LRRC7: variants seen among roughly 807,000 people sequenced by gnomAD.
LRRC7 encodes the protein leucine rich repeat containing 7.
A neutral mutation model predicts 175.7 loss-of-function variants in LRRC7; 23 were observed. The ratio of observed to expected loss-of-function variants is 0.13; its 90% CI spans 0.09 to 0.19. The LOEUF (loss-of-function observed/expected upper bound fraction) is 0.19, where lower values mean the gene tolerates loss of function less well. Ranked by LOEUF, LRRC7 falls within the 10% of genes least tolerant of loss-of-function variation. The pLI, the probability that LRRC7 is intolerant of heterozygous loss-of-function variation, is 1.00. For missense variants in LRRC7, 1,354 were observed against 1,904.7 expected, an observed-to-expected ratio of 0.71 and a Z score of 5.38; for synonymous variants, 685 against 680.9, an observed-to-expected ratio of 1.01 and a Z score of -0.09.
rs1666594758 is a variant in LRRC7, at chr1:70,129,797, A to G, written c.*7910A>G. Among the ~76,000 whole-genome samples, 1 of 152,236 alleles carries G rather than the reference A, an allele frequency of 6.6e-6. No homozygotes were observed. Among genetic ancestry groups the G allele is most frequent in the African/African-American group, 2.4e-5 (1 of 41,466 alleles). ...TGAGATTGGATCACACATACCATGT[A>G]TCATCAACATCTATTCTTCTAAGGA... On this transcript the variant is annotated 3_prime_UTR_variant, in exon 27 of 27. Transcript: ENST00000651989.
chr1:70,076,630 A>G (rs1162917673), intron 24 of LRRC7, among the ~76,000 whole-genome samples: 1 of 152,192 alleles, frequency 6.6e-6, no homozygotes, highest in African/African-American at 2.4e-5. Context: ...AAGGACTTCA[A>G]TGGATTAGGT....
chr1:70,089,596 T>C, intron 24 of LRRC7, 131 bp from the exon 25 acceptor site: 1 of 568,176 alleles, frequency 1.8e-6, no homozygotes, highest in Non-Finnish European at 3.0e-6. Context: ...TTGTCTTTTG[T>C]GTATCAACTC....
chr1:69,754,950 G>A (rs1018298164), intron 2 of LRRC7, among the ~76,000 whole-genome samples: 1 of 151,952 alleles, frequency 6.6e-6, no homozygotes, highest in African/African-American at 2.4e-5. Flanking sequence ...ACAATTAGAA[G>A]GGTAACAGTC....
chr1:69,608,811 T>G (rs1433147261), intron 1 of LRRC7, among the ~76,000 whole-genome samples: 3 of 71,134 alleles, frequency 4.2e-5, no homozygotes, highest in African/African-American at 1.7e-4. Flanking sequence ...TTGCTCTGTC[T>G]GTCTCTCTCT....
Position 69,944,666 on chromosome 1 carries a change from A to G in LRRC7, c.711+13096A>G, listed in dbSNP as rs1649115502. On this transcript the variant is annotated intron_variant, in intron 8 of 26. Coordinates refer to ENST00000651989, the MANE Select transcript of LRRC7 (RefSeq NM_001370785.2). ...CAATTTCCCCCACATCCTTGCCAAC[A>G]CTTATTATTTTGGTTTTTTTTTCTT... is the stretch of plus-strand genomic sequence containing the variant. Among the ~76,000 whole-genome samples, 3 of 151,480 alleles carry G rather than the reference A, an allele frequency of 2.0e-5. No homozygotes were observed. The South Asian group carries it at 6.2e-4, about 32-fold the overall frequency.
chr1:69,928,191 G>C (rs566628486), intron 7 of LRRC7, among the ~76,000 whole-genome samples: 1 of 152,094 alleles, frequency 6.6e-6, no homozygotes, highest in Non-Finnish European at 1.5e-5. Context: ...GTACCCGGCC[G>C]TGTGAGGTGT....
At chr1:69,613,800 A>G (rs1649183625) in intron 1 of LRRC7, among the ~76,000 whole-genome samples, 1 of 152,080 alleles carries the variant, frequency 6.6e-6, no homozygotes, top group Admixed American at 6.6e-5. Flanking sequence ...TCAAACCATT[A>G]TAACTGGCTT....
chr1:69,917,771 C>T (rs1172038566), intron 7 of LRRC7, among the ~76,000 whole-genome samples: 2 of 152,136 alleles, frequency 1.3e-5, no homozygotes, highest in Admixed American at 1.3e-4. Flanking sequence ...GCAACATACT[C>T]TAATGGGAAT....
At chr1:69,753,180 C>G (rs148106702) in intron 2 of LRRC7, among the ~76,000 whole-genome samples, 4 of 151,958 alleles carry the variant, frequency 2.6e-5, no homozygotes, top group African/African-American at 7.2e-5. Context: ...GTATGCTCAT[C>G]CTTTTGATAT....
intron 4 of LRRC7, among the ~76,000 whole-genome samples, chr1:69,814,264 A>C (rs1193543174): frequency 6.6e-6 from 1 of 152,124 alleles, no homozygotes; most frequent in Non-Finnish European, 1.5e-5. Flanking sequence ...TATTTAAATA[A>C]AACTTCTACT....
At chr1:70,068,863 G>A (rs955912637) in intron 23 of LRRC7, among the ~76,000 whole-genome samples, 1 of 152,052 alleles carries the variant, frequency 6.6e-6, no homozygotes. Flanking sequence ...CTGCAGGTGT[G>A]CACCACCACA....
rs190115082 is a variant in LRRC7 at position 69,634,554 on chromosome 1, T to C, written c.3-43827T>C. Among the ~76,000 whole-genome samples, 269 of 152,308 alleles carry C rather than the reference T, an allele frequency of 1.8e-3. 1 individual carries two copies. Among genetic ancestry groups the C allele is most frequent in the African/African-American group, 6.2e-3 (257 of 41,580 alleles). ...GCTGTTCATACCTGATTTATGGTTC[T>C]ATTGAAACCTTGTAACTTTTATGTT... On this transcript the variant is annotated intron_variant, in intron 1 of 26. Transcript: ENST00000651989.
Position 69,719,445 on chromosome 1 carries a change from C to T in LRRC7, c.101-40746C>T, listed in dbSNP as rs546874632. Among the ~76,000 whole-genome samples the T allele has an allele frequency of 7.9e-5, 12 of 151,660 alleles. 2 individuals are homozygous for T. In the South Asian group the frequency reaches 8.3e-4, roughly 11 times the overall value. ...ACACTCAGAATTATCTAACTATTTT[C>T]TAATCCTTAAATAAACAAATAGGAC... On this transcript the variant is annotated intron_variant, in intron 2 of 26. Transcript: ENST00000651989.
At chr1:69,684,570 C>T (rs1660889502) in intron 2 of LRRC7, among the ~76,000 whole-genome samples, 1 of 152,046 alleles carries the variant, frequency 6.6e-6, no homozygotes, top group African/African-American at 2.4e-5. Flanking sequence ...TTCAACAGAC[C>T]ATTTTGAAAG....
At chr1:69,868,262 T>TA (rs1404585246) in intron 7 of LRRC7, among the ~76,000 whole-genome samples, 1 of 152,160 alleles carries the variant, frequency 6.6e-6, no homozygotes, top group Non-Finnish European at 1.5e-5. Flanking sequence ...AAATGGGCCT[T>TA]AAAAAGATGG....
At chr1:70,112,419 T>C (rs1665586436) in intron 26 of LRRC7, among the ~76,000 whole-genome samples, 1 of 152,072 alleles carries the variant, frequency 6.6e-6, no homozygotes, top group African/African-American at 2.4e-5. Context: ...AGCCCCTTAA[T>C]AGGTAGGAGG....
At chr1:69,682,332 A>T (rs1427745776) in intron 2 of LRRC7, among the ~76,000 whole-genome samples, 2 of 152,126 alleles carry the variant, frequency 1.3e-5, no homozygotes, top group African/African-American at 4.8e-5. Flanking sequence ...TCCAGAAGAA[A>T]GTGATAAGTC....
At chr1:69,806,313 C>A (rs56328109) in intron 4 of LRRC7, among the ~76,000 whole-genome samples, 2,673 of 151,852 alleles carry the variant, frequency 0.018, 29 homozygotes, top group Middle Eastern at 0.031. Flanking sequence ...AGAAAGAGAG[C>A]GAGAACAAGA....
intron 2 of LRRC7, among the ~76,000 whole-genome samples, chr1:69,695,378 G>A (rs1662439513): frequency 6.6e-6 from 1 of 152,170 alleles, no homozygotes; most frequent in Non-Finnish European, 1.5e-5. Flanking sequence ...AGATAAAGGA[G>A]CAAAGAAATA....
Sources: allele counts gnomAD v4.1 joint callset (sites outside exome capture counted in the v4.1 genomes callset), GRCh38; gene constraint gnomAD v4.1.1; transcripts MANE v1.5; gene names NCBI Gene and HGNC (gene_info 2026-07-23, HGNC 2026-07-21).